Variants in STX11 observed in about 807,000 individuals in gnomAD.
STX11 encodes syntaxin 11.
Under a neutral mutation model 19.9 loss-of-function variants are expected in STX11, and 21 were observed. The ratio of observed to expected loss-of-function variants is 1.06; its 90% CI spans 0.75 to 1.52. STX11 has a LOEUF of 1.52. Among genes scored for constraint, STX11 ranks in the 40% most tolerant of loss-of-function variants. STX11 has a pLI of 0.00. For synonymous variants in STX11, 193 were observed against 174.4 expected (o/e 1.11, Z -0.84); for missense variants, 438 against 405.9 (o/e 1.08, Z -0.68).
At chr6:144,173,952 C>T (rs1801708566) in intron 1 of STX11, among the ~76,000 whole-genome samples, 3 of 152,248 alleles carry the variant, frequency 2.0e-5, no homozygotes, top group Non-Finnish European at 2.9e-5. Context: ...TGTCATTTAG[C>T]TTATGCTATG....
the STX11 span, among the ~76,000 whole-genome samples, chr6:144,140,533 G>A: frequency 1.3e-5 from 2 of 151,910 alleles, no homozygotes; most frequent in East Asian, 3.9e-4. Context: ...GGGATTACAG[G>A]CATGAACCAT....
intron 1 of STX11, among the ~76,000 whole-genome samples, chr6:144,163,640 G>A (rs567479145): frequency 6.3e-4 from 96 of 152,038 alleles, no homozygotes; most frequent in Admixed American, 4.0e-3. Flanking sequence ...CACCACACCT[G>A]GCTAATTTTT....
chr6:144,170,223 G>A lies in STX11; in HGVS notation c.-5-16400G>A, dbSNP rs1222468752. Among the ~76,000 whole-genome samples, 1 of 152,190 alleles carries A rather than the reference G, an allele frequency of 6.6e-6. No individual in the cohort carries two copies. Among genetic ancestry groups the A allele is most frequent in the Non-Finnish European group, 1.5e-5 (1 of 68,044 alleles). ...AAATTTTCAAAAATGTCAGAGCAGA[G>A]TATAAGCAAAGAGTCATAGTGATTA... On this transcript the variant is annotated intron_variant, in intron 1 of 1. Transcript: ENST00000367568. This position sits in a 1 kb window ranked among gnomAD's most constrained non-coding sequence, Gnocchi z 4.7.
Position 144,150,725 on chromosome 6 carries a change from C to CCCCCATTTCTCTTCCTGACT in STX11, c.-6+23_-6+42dup, listed in dbSNP as rs1800981990. ...CCAGGTTTGTTTTTCTCTTCCTGAG[C>CCCCCATTTCTCTTCCTGACT]CCCCATTTCTCTTCCTGACTATTTT... On this transcript the variant is annotated intron_variant, in intron 1 of 1. Transcript: ENST00000367568. 7.1e-6 allele frequency: 7 copies of CCCCCATTTCTCTTCCTGACT among 984,486 alleles called. No homozygotes were observed. The South Asian group carries it at 2.4e-4, about 33-fold the overall frequency. The allele number at this position is 984,486 out of a possible 1,614,324, so 61.0% of individuals were successfully genotyped here.
rs565187724 is a variant in STX11, at chr6:144,163,123, A to G, written c.-6+12420A>G. Among the ~76,000 whole-genome samples, 16 of 152,364 alleles carry G rather than the reference A, an allele frequency of 1.1e-4. No individual in the cohort carries two copies. The South Asian group carries it at 2.1e-3, about 20-fold the overall frequency. On this transcript the variant is annotated intron_variant, in intron 1 of 1. Transcript: ENST00000367568. ...AAGATGAATTTCTCCCACGATCTTC[A>G]TAGTTCCGTCTTTAAATGTGTTGTG...
intron 1 of STX11, among the ~76,000 whole-genome samples, chr6:144,157,776 C>G (rs534560307): frequency 6.6e-6 from 1 of 152,078 alleles, no homozygotes; most frequent in Non-Finnish European, 1.5e-5. Flanking sequence ...AGACCCAGAA[C>G]AAAAGCATAA....
rs913936498 is a variant in STX11 at position 144,182,726 on chromosome 6, G to C, written c.-5-3897G>C. Among the ~76,000 whole-genome samples the C allele has an allele frequency of 6.6e-6, 1 of 152,172 alleles. No homozygotes were observed. The highest frequency in any genetic ancestry group is 1.5e-5 in the Non-Finnish European group (1 of 68,038). ...CACAGGACCTGTCTAGGATAAGCAG[G>C]ATACATACAAATGATCCCTAGTGTC... On this transcript the variant is annotated intron_variant, in intron 1 of 1. Coordinates refer to ENST00000367568, the MANE Select transcript of STX11 (RefSeq NM_003764.4). The surrounding 1 kb of genome is among the most constrained non-coding windows in gnomAD (Gnocchi z 4.8).
intron 1 of STX11, among the ~76,000 whole-genome samples, chr6:144,156,486 G>A (rs1470532299): frequency 6.6e-6 from 1 of 152,168 alleles, no homozygotes; most frequent in Non-Finnish European, 1.5e-5. Flanking sequence ...GTTGCAAAGA[G>A]ATATTCCATT....
intron 1 of STX11, among the ~76,000 whole-genome samples, chr6:144,178,446 T>C (rs1175764596): frequency 6.6e-6 from 1 of 152,236 alleles, no homozygotes; most frequent in Non-Finnish European, 1.5e-5. Context: ...AGAAAGCATC[T>C]GAAAGCATAT....
chr6:144,140,210 A>ATATT, the STX11 span, among the ~76,000 whole-genome samples: 7 of 13,210 alleles, frequency 5.3e-4, no homozygotes, highest in African/African-American at 3.1e-3. Flanking sequence ...GTCAATTCAC[A>ATATT]TATATATATA....
upstream of STX11, among the ~76,000 whole-genome samples, chr6:144,147,618 A>G (rs57063441): frequency 1.4e-3 from 218 of 152,220 alleles, 1 homozygote; most frequent in East Asian, 0.028. The surrounding 1 kb of genome is among the most constrained non-coding windows in gnomAD (Gnocchi z 4.2). Flanking sequence ...CACCTAACCA[A>G]CTGCCTTCAT....
the STX11 span, chr6:144,140,838 G>A: frequency 1.0e-6 from 1 of 969,282 alleles, no homozygotes; most frequent in African/African-American, 1.8e-5. Context: ...GAAGTATAGA[G>A]TTTCTAAATA....
rs11356106 is a variant in STX11 at position 144,188,725 on chromosome 6, C to CTT, written c.*1252_*1253dup. The stretch of plus-strand genomic sequence containing the variant: ...ATTATTGTTAAAATTTTTCTTTTTC[C>CTT]TTTTTTTTTTTTTTTTTTTGAGATG... On this transcript the variant is annotated 3_prime_UTR_variant, in exon 2 of 2. Transcript: ENST00000367568. Among the ~76,000 whole-genome samples, 2,532 of 117,896 alleles carry CTT rather than the reference C, an allele frequency of 0.021. 179 individuals carry two copies. Among genetic ancestry groups the CTT allele is most frequent in the African/African-American group, 0.074 (2,152 of 28,940 alleles). 77.3% of individuals were successfully genotyped at this position (117,896 alleles called of 152,430 possible).
intron 1 of STX11, among the ~76,000 whole-genome samples, chr6:144,179,354 G>C (rs1409223575): frequency 2.6e-5 from 4 of 152,110 alleles, no homozygotes; most frequent in Admixed American, 2.6e-4. Flanking sequence ...CACCCTCTTA[G>C]ATGTGTCATT....
the STX11 span, among the ~76,000 whole-genome samples, chr6:144,145,234 T>C: frequency 6.6e-6 from 1 of 152,198 alleles, no homozygotes; most frequent in Non-Finnish European, 1.5e-5. Flanking sequence ...AAGGAAATAC[T>C]GACACATGCT....
In STX11 at chr6:144,186,818, G is replaced by T. The variant is rs1204079066; in HGVS notation, c.191G>T (p.Arg64Leu). 1.2e-6 allele frequency: 2 copies of T among 1,613,654 alleles called. No homozygotes were observed. Among genetic ancestry groups the T allele is most frequent in the African/African-American group, 2.7e-5 (2 of 75,050 alleles). ...ENQLLVADVK[R>L]LGKQNARFLT... Reference sequence around the variant, plus strand: ...CAGCTGCTGGTGGCCGACGTGAAGCGGCTGGGAAAGCAGAACGCCCGCTTC... The same window carrying T: ...CAGCTGCTGGTGGCCGACGTGAAGCTGCTGGGAAAGCAGAACGCCCGCTTC... Residue 64 changes from arginine to leucine, a missense_variant, in exon 2 of 2, where the codon CGG becomes CTG. By Grantham distance (102) the Arg-to-Leu change is moderately radical. Transcript: ENST00000367568.
At position 144,182,112 on chromosome 6, in the gene STX11, C is replaced by T. The variant is rs1278124985; in HGVS notation, c.-5-4511C>T. 1.3e-5 allele frequency among the ~76,000 whole-genome samples: 2 copies of T among 152,172 alleles called. No individual in the cohort carries two copies. Among genetic ancestry groups the T allele is most frequent in the Non-Finnish European group, 2.9e-5 (2 of 68,026 alleles). ...GTGGAATTGTCTGATTTTTCTTTCT[C>T]ATTTACCATAGTTCTCTTTCTAGGA... On this transcript the variant is annotated intron_variant, in intron 1 of 1. Transcript: ENST00000367568. The surrounding 1 kb of genome is among the most constrained non-coding windows in gnomAD (Gnocchi z 4.8).
upstream of STX11, among the ~76,000 whole-genome samples, chr6:144,148,150 T>C (rs1800911025): frequency 6.6e-6 from 1 of 152,190 alleles, no homozygotes; most frequent in Non-Finnish European, 1.5e-5. Context: ...TCTTCCTGTC[T>C]CAATCAATGT....
At position 144,172,946 on chromosome 6, in the gene STX11, T is replaced by C. The variant is rs1002822019; in HGVS notation, c.-5-13677T>C. 6.6e-6 allele frequency among the ~76,000 whole-genome samples: 1 copy of C among 152,130 alleles called. No individual in the cohort carries two copies. Among genetic ancestry groups the C allele is most frequent in the Admixed American group, 6.5e-5 (1 of 15,286 alleles). ...CAACCACTGGTCCATAGCAGTTCTG[T>C]CCAAGCACATGTTACCAGGTGCCCC... On this transcript the variant is annotated intron_variant, in intron 1 of 1. Transcript: ENST00000367568. This position sits in a 1 kb window ranked among gnomAD's most constrained non-coding sequence, Gnocchi z 4.2.
Sources: gnomAD v4.1 joint callset for allele counts (sites outside exome capture counted in the v4.1 genomes callset) on GRCh38, gnomAD v4.1.1 for gene constraint, Gnocchi (gnomAD v3.1) non-coding constraint, MANE v1.5 for transcripts, NCBI Gene and HGNC (gene_info 2026-07-23, HGNC 2026-07-21) for gene names.